CTDSPL2: variants seen among roughly 807,000 people sequenced by gnomAD.
CTDSPL2 encodes the protein CTD small phosphatase-like protein 2.
CTDSPL2 carries 5 observed loss-of-function variants against 60.0 expected under a neutral mutation model. That is an observed-to-expected ratio of 0.08 (90% CI 0.04 to 0.18). CTDSPL2 has a LOEUF of 0.18. CTDSPL2 is among the 10% of genes least tolerant of loss of function. The probability of loss-of-function intolerance (pLI) is 1.00; values close to 1 mark genes in which losing one functional copy is unlikely to be tolerated. For missense variants in CTDSPL2, 370 were observed against 548.8 expected (o/e 0.67, Z 3.26); for synonymous variants, 186 against 189.3 (o/e 0.98, Z 0.14).
chr15:44,500,302 T>G (rs951619905), intron 8 of CTDSPL2, among the ~76,000 whole-genome samples: 1 of 152,236 alleles, frequency 6.6e-6, no homozygotes, highest in African/African-American at 2.4e-5. Flanking sequence ...GTTATTGTTT[T>G]ACTTAGGGCA....
chr15:44,427,739 G>A lies in CTDSPL2; in HGVS notation c.-58G>A. On this transcript the variant is annotated 5_prime_UTR_variant, in exon 1 of 13. Coordinates refer to ENST00000260327, the MANE Select transcript of CTDSPL2 (RefSeq NM_016396.3). ...CATTGCGCAGTCGGGACCATCGCCGGAGCCTGAGGACACTTCTCTGTCGTC... is the reference window on the plus strand; with the variant it reads ...CATTGCGCAGTCGGGACCATCGCCGAAGCCTGAGGACACTTCTCTGTCGTC... 1 of 399,292 alleles carries A rather than the reference G, an allele frequency of 2.5e-6. No homozygotes were observed. Among genetic ancestry groups the A allele is most frequent in the Non-Finnish European group, 4.4e-6 (1 of 226,286 alleles). The allele number at this position is 399,292 out of a possible 1,614,324, so 24.7% of individuals were successfully genotyped here. A position where few individuals can be genotyped will look rare whatever the true frequency, so the allele number is the denominator to read the frequency against.
intron 2 of CTDSPL2, among the ~76,000 whole-genome samples, chr15:44,475,200 G>T (rs1443739784): frequency 1.3e-5 from 2 of 151,702 alleles, no homozygotes; most frequent in Admixed American, 6.6e-5. Context: ...CTTTCATTCA[G>T]TGATTTAACT....
At chr15:44,503,931 T>A (rs556834131) in intron 8 of CTDSPL2, 2 of 152,402 alleles carry the variant, frequency 1.3e-5, no homozygotes, top group African/African-American at 4.8e-5. Flanking sequence ...AGGTTGCTTT[T>A]ATGGGAAAAG....
chr15:44,517,221 A>G (rs747474807), intron 10 of CTDSPL2: 10 of 149,610 alleles, frequency 6.7e-5, no homozygotes, highest in Non-Finnish European at 1.5e-4. Context: ...AGAAATTCCT[A>G]TGATCTAGGC....
chr15:44,458,955 T>C (rs2080504663), intron 1 of CTDSPL2, 36 bp from the exon 2 acceptor site: 2 of 1,331,668 alleles, frequency 1.5e-6, no homozygotes, highest in South Asian at 1.7e-5. Flanking sequence ...TAATAACTTT[T>C]AATTTTTTAT....
intron 1 of CTDSPL2, chr15:44,449,232 G>A: frequency 3.8e-6 from 1 of 264,244 alleles, no homozygotes; most frequent in South Asian, 5.4e-5. Context: ...TTCACTATCA[G>A]GATCTTTCAC....
At chr15:44,491,949 C>T (rs558775443) in intron 5 of CTDSPL2, among the ~76,000 whole-genome samples, 3 of 152,172 alleles carry the variant, frequency 2.0e-5, no homozygotes, top group Admixed American at 6.5e-5. Flanking sequence ...CTGCAACCTC[C>T]ACCTCCTGGG....
At chr15:44,472,874 C>A (rs145003393) in intron 2 of CTDSPL2, among the ~76,000 whole-genome samples, 3 of 152,158 alleles carry the variant, frequency 2.0e-5, no homozygotes, top group Non-Finnish European at 2.9e-5. Flanking sequence ...CGGCCCAGGC[C>A]GGTTTTGAAT....
At position 44,486,572 on chromosome 15, in the gene CTDSPL2, C is replaced by A; in HGVS notation, c.347C>A (p.Thr116Lys). ...VNGEAGSYEM[T>K]NQHVKQNGKL... The stretch of plus-strand genomic sequence containing the variant: ...TTAGAAGCTGGTAGTTATGAAATGA[C>A]AAATCAACATGTAAAACAAAATGGA... Residue 116 changes from threonine to lysine, a missense_variant, in exon 4 of 13, where the codon ACA becomes AAA. By Grantham distance (78) the Thr-to-Lys change is moderately conservative. Transcript: ENST00000260327. The A allele has an allele frequency of 6.3e-7, 1 of 1,575,076 alleles. No homozygotes were observed. The highest frequency in any genetic ancestry group is 8.6e-7 in the Non-Finnish European group (1 of 1,164,690).
At chr15:44,456,708 T>C (rs993863417) in intron 1 of CTDSPL2, among the ~76,000 whole-genome samples, 5 of 139,962 alleles carry the variant, frequency 3.6e-5, no homozygotes, top group Non-Finnish European at 6.4e-5. Flanking sequence ...GATTCATTGA[T>C]TTTTTTTAAG....
At chr15:44,444,941 G>A (rs1172182401) in intron 1 of CTDSPL2, among the ~76,000 whole-genome samples, 4 of 140,442 alleles carry the variant, frequency 2.8e-5, no homozygotes, top group South Asian at 2.5e-4. Context: ...TCCACCTCCC[G>A]GGTTCACACC....
At position 44,497,130 on chromosome 15, in the gene CTDSPL2, T is replaced by C. The variant is rs760462663; in HGVS notation, c.874T>C (p.Leu292=). Residue 292 remains leucine (L), a synonymous_variant, in exon 7 of 13, where the codon TTA becomes CTA. Transcript: ENST00000260327. ...TRSTPEFSLV[L]DLDETLVHCS... Reference sequence around the variant, plus strand: ...AAGCACACCGGAATTCTCCCTAGTTTTAGACTTGGTAAGTATATTATCTGT... The same window carrying C: ...AAGCACACCGGAATTCTCCCTAGTTCTAGACTTGGTAAGTATATTATCTGT... 1 of 1,576,994 alleles carries C rather than the reference T, an allele frequency of 6.3e-7. No individual in the cohort carries two copies. Among genetic ancestry groups the C allele is most frequent in the Admixed American group, 1.7e-5 (1 of 59,402 alleles).
At chr15:44,480,130 A>C (rs2080998804) in intron 2 of CTDSPL2, among the ~76,000 whole-genome samples, 1 of 152,158 alleles carries the variant, frequency 6.6e-6, no homozygotes, top group Non-Finnish European at 1.5e-5. Flanking sequence ...ATAGTTGGTC[A>C]GTTTCAAGAG....
At chr15:44,439,552 G>T (rs1028149459) in intron 1 of CTDSPL2, among the ~76,000 whole-genome samples, 6 of 151,224 alleles carry the variant, frequency 4.0e-5, no homozygotes, top group Non-Finnish European at 8.9e-5. Flanking sequence ...TTGGGGGGGG[G>T]GGAATATTTG....
intron 10 of CTDSPL2, 89 bp from the exon 11 acceptor site, chr15:44,519,080 C>G: frequency 2.5e-6 from 2 of 810,868 alleles, no homozygotes; most frequent in Non-Finnish European, 3.4e-6. Flanking sequence ...ATGGCTTAAA[C>G]TATAAAGCCT....
intron 1 of CTDSPL2, chr15:44,448,667 G>T (rs923959725): frequency 9.2e-6 from 3 of 327,388 alleles, no homozygotes; most frequent in Non-Finnish European, 6.0e-6. Flanking sequence ...CTAAATCCAT[G>T]CCCTCCATTC....
intron 8 of CTDSPL2, among the ~76,000 whole-genome samples, chr15:44,506,579 C>T (rs1459068024): frequency 6.6e-6 from 1 of 151,046 alleles, no homozygotes; most frequent in African/African-American, 2.4e-5. Flanking sequence ...GCCACCATGC[C>T]CTTTTTTGTA....
chr15:44,515,105 AC>A (rs1172968147), intron 10 of CTDSPL2, among the ~76,000 whole-genome samples: 1 of 150,740 alleles, frequency 6.6e-6, no homozygotes, highest in African/African-American at 2.5e-5. Flanking sequence ...ATTGGGGAAG[AC>A]GGGGGTTGGG....
At chr15:44,455,320 G>T (rs2080411877) in intron 1 of CTDSPL2, among the ~76,000 whole-genome samples, 1 of 152,164 alleles carries the variant, frequency 6.6e-6, no homozygotes, top group Non-Finnish European at 1.5e-5. Context: ...GAGATTTTGG[G>T]CTGAGATGAT....
Sources: gnomAD v4.1 joint callset for allele counts (sites outside exome capture counted in the v4.1 genomes callset) on GRCh38, gnomAD v4.1.1 for gene constraint, MANE v1.5 for transcripts, NCBI Gene and HGNC (gene_info 2026-07-23, HGNC 2026-07-21) for gene names.